Variants in CHM observed in about 807,000 individuals in gnomAD.
The protein encoded by CHM is CHM Rab escort protein, also known as rab proteins geranylgeranyltransferase component A 1.
CHM carries 10 observed loss-of-function variants against 49.0 expected under a neutral mutation model. That is an observed-to-expected ratio of 0.20 (90% CI 0.13 to 0.35). CHM has a LOEUF of 0.35. Among genes scored for constraint, CHM ranks in the 10% least tolerant of loss-of-function variants. The pLI is 1.00. For synonymous variants in CHM, 184 were observed against 167.5 expected, an observed-to-expected ratio of 1.10 and a Z score of -0.76; for missense variants, 455 against 478.4, an observed-to-expected ratio of 0.95 and a Z score of 0.46.
intron 4 of CHM, among the ~76,000 whole-genome samples, chrX:85,974,264 T>C (rs1486976713): frequency 1.8e-5 from 2 of 111,935 alleles, no homozygotes; most frequent in African/African-American, 6.5e-5. Context: ...GCTTCATAAG[T>C]AGAGAGACAT....
intron 12 of CHM, among the ~76,000 whole-genome samples, chrX:85,883,705 T>A (rs1302990443): frequency 9.0e-6 from 1 of 111,330 alleles, no homozygotes; most frequent in Non-Finnish European, 1.9e-5. Flanking sequence ...AACTCATTTT[T>A]ATAAAAGGTA....
chrX:85,873,028 A>T (rs752627804), intron 14 of CHM, 24 bp downstream of exon 14: 2 of 1,195,871 alleles, frequency 1.7e-6, no homozygotes, highest in Non-Finnish European at 2.3e-6. Flanking sequence ...TTAATACAAA[A>T]CTGAGAAACA....
intron 8 of CHM, among the ~76,000 whole-genome samples, chrX:85,940,691 A>T (rs1025132352): frequency 2.7e-5 from 3 of 111,662 alleles, no homozygotes; most frequent in Non-Finnish European, 5.6e-5. Context: ...AGTCTCTGAA[A>T]CAATTTAGTA....
Position 85,864,700 on chromosome X carries a change from A to T in CHM, c.1892T>A (p.Ile631Lys), listed in dbSNP as rs1923576833. Residue 631 changes from isoleucine (I) to lysine (K), a missense_variant, in exon 15 of 15, where the codon ATA (isoleucine) becomes AAA (lysine). By Grantham distance (102) the Ile-to-Lys change is moderately radical. Coordinates refer to ENST00000357749, the MANE Select transcript of CHM (RefSeq NM_000390.4). Reference sequence around the variant, plus strand: ...GAAAGTCTCCGAGTTAGCCTCTGGTATGGCACTGGATTCTGAAGCCTCTGG... The same window carrying T: ...GAAAGTCTCCGAGTTAGCCTCTGGTTTGGCACTGGATTCTGAAGCCTCTGG... ...LQPEASESSAIPEANSETFKE... is the reference protein window; with the variant it reads ...LQPEASESSAKPEANSETFKE... 1 of 1,207,428 alleles carries T rather than the reference A, an allele frequency of 8.3e-7. No homozygotes were observed. Among genetic ancestry groups the T allele is most frequent in the Admixed American group, 2.2e-5 (1 of 45,606 alleles).
At chrX:85,923,801 G>C (rs760661817) in intron 8 of CHM, among the ~76,000 whole-genome samples, 1 of 110,870 alleles carries the variant, frequency 9.0e-6, no homozygotes, top group East Asian at 2.8e-4. Context: ...GGGTATTCAG[G>C]GACAGTCTCT....
chrX:85,981,893 A>T, intron 2 of CHM, 84 bp from the exon 3 acceptor site: 1 of 748,665 alleles, frequency 1.3e-6, no homozygotes, highest in South Asian at 2.5e-5. Flanking sequence ...ACCATCTTTA[A>T]CCCTTAAACT....
chrX:85,871,769 G>C (rs920376029), intron 14 of CHM, among the ~76,000 whole-genome samples: 1 of 111,356 alleles, frequency 9.0e-6, no homozygotes, highest in Non-Finnish European at 1.9e-5. Context: ...GCTTACATTA[G>C]TACTTGTATT....
At chrX:85,945,759 G>A (rs1186641683) in intron 8 of CHM, among the ~76,000 whole-genome samples, 2 of 110,936 alleles carry the variant, frequency 1.8e-5, no homozygotes, top group East Asian at 5.7e-4. Flanking sequence ...ATGAGCAAAG[G>A]TTGGAAGAAA....
intron 2 of CHM, among the ~76,000 whole-genome samples, chrX:85,998,767 G>A (rs980209619): frequency 9.0e-6 from 1 of 111,107 alleles, no homozygotes; most frequent in African/African-American, 3.3e-5. Flanking sequence ...GAGTTCTACT[G>A]AATGAGTATG....
chrX:86,006,763 C>T (rs1932864834), intron 2 of CHM, among the ~76,000 whole-genome samples: 2 of 111,595 alleles, frequency 1.8e-5, no homozygotes, highest in Non-Finnish European at 3.8e-5. Context: ...TAAAAGAGGA[C>T]ACAAACAAAT....
chrX:86,047,153 C>G (rs773728666), intron 1 of CHM: 92 of 341,748 alleles, frequency 2.7e-4, no homozygotes, highest in African/African-American at 2.1e-3. Flanking sequence ...TTGCCAAAGT[C>G]GTCTCCGTTG....
intron 13 of CHM, 50 bp from the exon 14 acceptor site, chrX:85,873,262 T>C (rs745325675): frequency 1.1e-6 from 1 of 913,286 alleles, no homozygotes; most frequent in Admixed American, 2.6e-5. Flanking sequence ...AATATGTTTG[T>C]CAATTACTAC....
chrX:86,016,026 AG>A (rs766353369), intron 2 of CHM, among the ~76,000 whole-genome samples: 1 of 110,921 alleles, frequency 9.0e-6, no homozygotes, highest in Non-Finnish European at 1.9e-5. Flanking sequence ...CTATCTACTC[AG>A]GAGGCTAAGG....
At chrX:85,894,342 A>G in intron 11 of CHM, 58 bp from the exon 12 acceptor site, 5 of 879,018 alleles carry the variant, frequency 5.7e-6, no homozygotes, top group Non-Finnish European at 8.4e-6. Flanking sequence ...TCATTCTTCT[A>G]ACATTAAAAT....
At chrX:85,880,046 C>G (rs1050827969) in intron 12 of CHM, among the ~76,000 whole-genome samples, 1 of 110,688 alleles carries the variant, frequency 9.0e-6, no homozygotes, top group African/African-American at 3.3e-5. Flanking sequence ...CTACATTCAA[C>G]TACTTTAAAA....
intron 2 of CHM, among the ~76,000 whole-genome samples, chrX:86,015,004 TGAGAA>T (rs1933230822): frequency 8.9e-6 from 1 of 111,840 alleles, no homozygotes; most frequent in Non-Finnish European, 1.9e-5. Context: ...TTGCATTGCT[TGAGAA>T]AACACTTTGA....
At chrX:86,024,828 T>C (rs774075233) in intron 2 of CHM, among the ~76,000 whole-genome samples, 2 of 111,927 alleles carry the variant, frequency 1.8e-5, no homozygotes, top group African/African-American at 6.5e-5. Context: ...TTTCGTTAAG[T>C]TGAGAAACTG....
At chrX:85,875,094 A>G (rs1226185477) in intron 13 of CHM, among the ~76,000 whole-genome samples, 3 of 111,665 alleles carry the variant, frequency 2.7e-5, no homozygotes, top group Non-Finnish European at 5.7e-5. Context: ...AATTTCATAG[A>G]CGTTGCGCCT....
At chrX:85,913,646 T>C (rs1023046799) in intron 8 of CHM, among the ~76,000 whole-genome samples, 1 of 110,804 alleles carries the variant, frequency 9.0e-6, no homozygotes, top group South Asian at 3.9e-4. Context: ...GATGGTAAGA[T>C]AATAAATTTG....
Sources: gnomAD v4.1 joint callset for allele counts (sites outside exome capture counted in the v4.1 genomes callset) on GRCh38, gnomAD v4.1.1 for gene constraint, MANE v1.5 for transcripts, NCBI Gene and HGNC (gene_info 2026-07-23, HGNC 2026-07-21) for gene names.